CCDC198: variants seen among roughly 807,000 people sequenced by gnomAD.
CCDC198 encodes coiled-coil domain containing 198.
CCDC198 carries 18 observed loss-of-function variants against 35.6 expected under a neutral mutation model. That is an observed-to-expected ratio of 0.51 (90% confidence interval 0.35 to 0.75). The LOEUF (loss-of-function observed/expected upper bound fraction) is 0.75. CCDC198 is among the 30% of genes least tolerant of loss of function. The pLI, the probability that CCDC198 is intolerant of heterozygous loss-of-function variation, is 0.01. For synonymous variants in CCDC198, 119 were observed against 113.4 expected, an observed-to-expected ratio of 1.05 and a Z score of -0.31; for missense variants, 365 against 343.7, an observed-to-expected ratio of 1.06 and a Z score of -0.49.
intron 5 of CCDC198, among the ~76,000 whole-genome samples, chr14:57,473,903 T>C (rs537079222): frequency 6.6e-6 from 1 of 152,326 alleles, no homozygotes; most frequent in South Asian, 2.1e-4. Context: ...GTCCATCGTG[T>C]TCCTTCCCAC....
intron 1 of CCDC198, among the ~76,000 whole-genome samples, chr14:57,491,781 G>T (rs1219380913): frequency 6.6e-6 from 1 of 152,046 alleles, no homozygotes; most frequent in Non-Finnish European, 1.5e-5. Flanking sequence ...TGAAGTTCTT[G>T]TCCTTCCCTT....
At chr14:57,491,098 A>C in intron 1 of CCDC198, 27 bp from the exon 2 acceptor site, 1 of 1,602,312 alleles carries the variant, frequency 6.2e-7, no homozygotes, top group East Asian at 2.2e-5. Context: ...AGAAACAGGA[A>C]TAAAACATTA....
intron 5 of CCDC198, among the ~76,000 whole-genome samples, chr14:57,478,074 G>A (rs187844338): frequency 1.5e-3 from 225 of 152,288 alleles, no homozygotes; most frequent in African/African-American, 5.3e-3. Flanking sequence ...ACTGGCACTT[G>A]AATTGGTTCC....
chr14:57,470,250 G>A lies in CCDC198; in HGVS notation c.*1105C>T, dbSNP rs553341917. The A allele has an allele frequency of 6.6e-6, 1 of 152,286 alleles. No homozygotes were observed. Among genetic ancestry groups the A allele is most frequent in the African/African-American group, 2.4e-5 (1 of 41,556 alleles). 9.4% of individuals were successfully genotyped at this position (152,286 alleles called of 1,614,324 possible). On this transcript the variant is annotated 3_prime_UTR_variant, in exon 6 of 6. Coordinates refer to ENST00000216445, the MANE Select transcript of CCDC198 (RefSeq NM_018168.4). ...AGAAAGTGACCTAAGTGAGCTTAGTGTTTAATGCAGCATTACTGTGAATTT... is the reference window on the plus strand; with the variant it reads ...AGAAAGTGACCTAAGTGAGCTTAGTATTTAATGCAGCATTACTGTGAATTT...
intron 5 of CCDC198, chr14:57,475,498 G>T: frequency 8.8e-7 from 1 of 1,130,556 alleles, no homozygotes; most frequent in Admixed American, 3.1e-5. Context: ...CATGAGGTCA[G>T]GAGTTCGAGA....
At chr14:57,489,892 C>T (rs2022617) in intron 2 of CCDC198, among the ~76,000 whole-genome samples, 148,584 of 152,188 alleles carry the variant, frequency 0.98, 72,645 homozygotes, top group Middle Eastern at 1. Flanking sequence ...TTTTAAACTG[C>T]CCTGTTTACC....
chr14:57,482,857 A>C (rs1001991194), intron 3 of CCDC198, among the ~76,000 whole-genome samples: 9 of 152,218 alleles, frequency 5.9e-5, no homozygotes, highest in African/African-American at 2.2e-4. Flanking sequence ...AGCTCATGCA[A>C]GAGGTAATAG....
chr14:57,487,994 G>T (rs1439796195), intron 2 of CCDC198, among the ~76,000 whole-genome samples: 1 of 152,124 alleles, frequency 6.6e-6, no homozygotes, highest in African/African-American at 2.4e-5. Flanking sequence ...TACTGCATGA[G>T]CATATCCTCT....
intron 1 of CCDC198, among the ~76,000 whole-genome samples, chr14:57,492,474 G>A (rs1015080748): frequency 3.3e-5 from 5 of 151,742 alleles, no homozygotes; most frequent in African/African-American, 9.7e-5. Flanking sequence ...ACACATTCAC[G>A]CTCCATTTTT....
chr14:57,470,657 A>G lies in CCDC198; in HGVS notation c.*698T>C, dbSNP rs1342141189. The G allele has an allele frequency of 6.6e-6, 1 of 152,156 alleles. No homozygotes were observed. Among genetic ancestry groups the G allele is most frequent in the African/African-American group, 2.4e-5 (1 of 41,408 alleles). 9.4% of individuals were successfully genotyped at this position (152,156 alleles called of 1,614,324 possible). A position where few individuals can be genotyped will look rare whatever the true frequency, so the allele number is the denominator to read the frequency against. On this transcript the variant is annotated 3_prime_UTR_variant, in exon 6 of 6. Transcript: ENST00000216445. Reference sequence around the variant, plus strand: ...CCAGCCCATCTATTTGTTTTATGTAATCTAATTTTCTTTTTAAAAACATGG... The same window carrying G: ...CCAGCCCATCTATTTGTTTTATGTAGTCTAATTTTCTTTTTAAAAACATGG...
In CCDC198 at chr14:57,471,222, G is replaced by A. The variant is rs2066808585; in HGVS notation, c.*133C>T. On this transcript the variant is annotated 3_prime_UTR_variant, in exon 6 of 6. Transcript: ENST00000216445. ...CATGTGACGGACTTGTTAATCATAA[G>A]ACTCTAAAGATATCATTTCTTTTTA... 2 of 651,478 alleles carry A rather than the reference G, an allele frequency of 3.1e-6. No homozygotes were observed. Among genetic ancestry groups the A allele is most frequent in the South Asian group, 4.3e-5 (2 of 47,010 alleles). The allele number at this position is 651,478 out of a possible 1,614,324, so 40.4% of individuals were successfully genotyped here. A position where few individuals can be genotyped will look rare whatever the true frequency, so the allele number is the denominator to read the frequency against.
At chr14:57,487,493 A>G (rs1349704212) in intron 2 of CCDC198, among the ~76,000 whole-genome samples, 2 of 152,186 alleles carry the variant, frequency 1.3e-5, no homozygotes. Flanking sequence ...AACACCTCCA[A>G]TTTAAGCTAG....
In CCDC198 at chr14:57,493,636, G is replaced by A. The variant is rs201357909; in HGVS notation, c.80C>T (p.Ser27Leu). The change falls in exon 1 of 6, where the codon TCG becomes TTG. Residue 27 changes from serine (S) to leucine (L), a missense_variant. Coordinates refer to ENST00000216445, the MANE Select transcript of CCDC198 (RefSeq NM_018168.4). ...PLQNKEVETPSAGRVDFAFNQ... is the reference protein window; with the variant it reads ...PLQNKEVETPLAGRVDFAFNQ... Reference sequence around the variant, plus strand: ...GAATGCAAAGTCCACACGGCCAGCCGAGGGAGTCTCTACCTCTTTGTTTTG... The same window carrying A: ...GAATGCAAAGTCCACACGGCCAGCCAAGGGAGTCTCTACCTCTTTGTTTTG... 18 of 1,613,814 alleles carry A rather than the reference G, an allele frequency of 1.1e-5. No homozygotes were observed. The highest frequency in any genetic ancestry group is 1.6e-4 in the Middle Eastern group (1 of 6,084).
At chr14:57,476,758 C>A (rs1247080710) in intron 5 of CCDC198, among the ~76,000 whole-genome samples, 2 of 152,102 alleles carry the variant, frequency 1.3e-5, no homozygotes, top group South Asian at 2.1e-4. Context: ...TACAGAGGAA[C>A]CTTAATGACC....
intron 2 of CCDC198, among the ~76,000 whole-genome samples, chr14:57,483,592 T>G (rs1423603216): frequency 6.6e-6 from 1 of 152,216 alleles, no homozygotes; most frequent in African/African-American, 2.4e-5. Context: ...GAGAAGCTCC[T>G]TAGTAGTAAT....
In CCDC198 at chr14:57,483,053, G is replaced by A; in HGVS notation, c.393+12C>T. ...CAGTTCACCTCCCTGTCAGGTTACTGCTGCAGCTCACCTTTGCTTTGTGCA... is the reference window on the plus strand; with the variant it reads ...CAGTTCACCTCCCTGTCAGGTTACTACTGCAGCTCACCTTTGCTTTGTGCA... On this transcript the variant is annotated intron_variant, in intron 3 of 5. Transcript: ENST00000216445. The A allele has an allele frequency of 6.2e-7, 1 of 1,613,972 alleles. No individual in the cohort carries two copies. The highest frequency in any genetic ancestry group is 8.5e-7 in the Non-Finnish European group (1 of 1,179,946).
chr14:57,491,640 A>G (rs2067571763), intron 1 of CCDC198, among the ~76,000 whole-genome samples: 1 of 152,062 alleles, frequency 6.6e-6, no homozygotes, highest in Non-Finnish European at 1.5e-5. Flanking sequence ...TTCCTGATGA[A>G]ACAAGCTGGG....
intron 1 of CCDC198, among the ~76,000 whole-genome samples, chr14:57,493,133 C>T (rs73299844): frequency 0.014 from 2,129 of 152,240 alleles, 62 homozygotes; most frequent in African/African-American, 0.049. Context: ...AATTTAGAAT[C>T]TAACTGAAAC....
At chr14:57,483,555 G>C (rs1446994141) in intron 2 of CCDC198, among the ~76,000 whole-genome samples, 2 of 152,124 alleles carry the variant, frequency 1.3e-5, no homozygotes, top group Admixed American at 1.3e-4. Flanking sequence ...CAGCCCTTAG[G>C]GAAGCAATCT....
Sources: gnomAD v4.1 joint callset for allele counts (sites outside exome capture counted in the v4.1 genomes callset) on GRCh38, gnomAD v4.1.1 for gene constraint, MANE v1.5 for transcripts, NCBI Gene and HGNC (gene_info 2026-07-23, HGNC 2026-07-21) for gene names.